The following CFAP77 variants were observed in gnomAD, a reference collection of about 807,000 sequenced individuals.
CFAP77 encodes the protein cilia and flagella associated protein 77, also known as cilia- and flagella-associated protein 77.
A neutral mutation model predicts 31.1 loss-of-function variants in CFAP77; 25 were observed. The ratio of observed to expected loss-of-function variants is 0.80; its 90% CI spans 0.59 to 1.12. The LOEUF (loss-of-function observed/expected upper bound fraction) is 1.12, where lower values mean the gene tolerates loss of function less well. CFAP77 is among the 50% of genes most tolerant of loss of function. CFAP77 has a pLI of 0.00. For missense variants in CFAP77, 377 were observed against 397.3 expected, an observed-to-expected ratio of 0.95 and a Z score of 0.44; for synonymous variants, 151 against 159.9, an observed-to-expected ratio of 0.94 and a Z score of 0.42.
In CFAP77 at chr9:132,498,431, A is replaced by G. The variant is rs1851780839; in HGVS notation, c.196-264A>G. Among the ~76,000 whole-genome samples the G allele has an allele frequency of 6.6e-6, 1 of 151,878 alleles. No individual in the cohort carries two copies. Among genetic ancestry groups the G allele is most frequent in the Non-Finnish European group, 1.5e-5 (1 of 67,954 alleles). On this transcript the variant is annotated intron_variant, in intron 1 of 5. Coordinates refer to ENST00000393216, the MANE Select transcript of CFAP77 (RefSeq NM_001282957.2). This position sits in a 1 kb window ranked among gnomAD's most constrained non-coding sequence, Gnocchi z 4.2. ...TGTGCTCCCCACTCCAACAATACAC[A>G]TGTACCGAGAGGCCCCCCGTCTCTG...
chr9:132,508,998 G>A (rs1040393422), intron 3 of CFAP77, among the ~76,000 whole-genome samples: 6 of 152,170 alleles, frequency 3.9e-5, no homozygotes, highest in African/African-American at 1.2e-4. Flanking sequence ...CCTGAGCTCC[G>A]TTCACGTTGG....
Position 132,501,674 on chromosome 9 carries a change from A to T in CFAP77, c.524+2074A>T, listed in dbSNP as rs922460430. 2.6e-5 allele frequency among the ~76,000 whole-genome samples: 4 copies of T among 152,198 alleles called. No individual in the cohort carries two copies. Among genetic ancestry groups the T allele is most frequent in the Non-Finnish European group, 4.4e-5 (3 of 68,030 alleles). On this transcript the variant is annotated intron_variant, in intron 3 of 5. Coordinates refer to ENST00000393216, the MANE Select transcript of CFAP77 (RefSeq NM_001282957.2). This position sits in a 1 kb window ranked among gnomAD's most constrained non-coding sequence, Gnocchi z 4.6. ...CGCCTTGGCCTCCCAAAGTGCTAGG[A>T]TGACAGGTGTGAGCCACTGCGCCCG...
intron 5 of CFAP77, among the ~76,000 whole-genome samples, chr9:132,569,728 C>CA (rs775964542): frequency 4.1e-5 from 4 of 98,476 alleles, no homozygotes; most frequent in Non-Finnish European, 7.6e-5. Context: ...TCTAGCTGCC[C>CA]TTTTTTTTTT....
At chr9:132,423,237 G>C (rs1259972135) in intron 1 of CFAP77, among the ~76,000 whole-genome samples, 11 of 152,218 alleles carry the variant, frequency 7.2e-5, no homozygotes, top group Non-Finnish European at 1.5e-5. Flanking sequence ...TCTTTTCTTA[G>C]GCAGCCGCTT....
At chr9:132,504,234 G>A (rs1156518792) in intron 3 of CFAP77, among the ~76,000 whole-genome samples, 1 of 152,198 alleles carries the variant, frequency 6.6e-6, no homozygotes, top group Admixed American at 6.5e-5. Context: ...TCCTCACTCT[G>A]TGTCCTACTT....
chr9:132,568,663 A>G (rs1829918533), intron 5 of CFAP77, among the ~76,000 whole-genome samples: 2 of 152,180 alleles, frequency 1.3e-5, no homozygotes, highest in East Asian at 3.8e-4. Context: ...AATCTCCAAT[A>G]AACAAAACAG....
chr9:132,568,510 C>T (rs1038069702), intron 5 of CFAP77, among the ~76,000 whole-genome samples: 21 of 142,960 alleles, frequency 1.5e-4, no homozygotes, highest in Non-Finnish European at 2.7e-4. Context: ...GAGCCGAGAT[C>T]ACACCATTGC....
chr9:132,569,767 G>A (rs11243830), intron 5 of CFAP77, among the ~76,000 whole-genome samples: 32 of 127,402 alleles, frequency 2.5e-4, no homozygotes, highest in African/African-American at 8.3e-4. Flanking sequence ...ACGGAATCTC[G>A]CTCTGTTGTC....
intron 1 of CFAP77, 91 bp downstream of exon 1, chr9:132,410,557 C>A: frequency 8.7e-7 from 1 of 1,155,456 alleles, no homozygotes; most frequent in Non-Finnish European, 1.2e-6. Context: ...CCTGGCCCCG[C>A]GGCCCGGGGT....
At chr9:132,537,460 G>T in intron 3 of CFAP77, 141 bp from the exon 4 acceptor site, 1 of 620,952 alleles carries the variant, frequency 1.6e-6, no homozygotes, top group East Asian at 2.7e-5. Flanking sequence ...TTTGAGCGCT[G>T]GGAGAGAGGC....
intron 1 of CFAP77, among the ~76,000 whole-genome samples, chr9:132,452,669 AC>A (rs1384941869): frequency 1.3e-5 from 2 of 152,074 alleles, no homozygotes; most frequent in Non-Finnish European, 2.9e-5. Flanking sequence ...CAGGACTAGG[AC>A]CTCGGTGGAA....
chr9:132,466,814 A>G (rs1324117343), intron 1 of CFAP77, among the ~76,000 whole-genome samples: 1 of 152,210 alleles, frequency 6.6e-6, no homozygotes, highest in East Asian at 1.9e-4. Context: ...TCTTTGATTC[A>G]GATCAATCAA....
chr9:132,530,276 CTTT>C (rs770618011), intron 3 of CFAP77, among the ~76,000 whole-genome samples: 1 of 138,600 alleles, frequency 7.2e-6, no homozygotes, highest in Non-Finnish European at 1.6e-5. Context: ...TGCCAATTTT[CTTT>C]TTTTTTTTTT....
intron 1 of CFAP77, among the ~76,000 whole-genome samples, chr9:132,487,125 T>G (rs1851575638): frequency 1.3e-5 from 2 of 152,214 alleles, no homozygotes; most frequent in African/African-American, 4.8e-5. Flanking sequence ...GTCTTAACAA[T>G]AAGACAGCAG....
chr9:132,431,515 C>T (rs150374576), intron 1 of CFAP77, among the ~76,000 whole-genome samples: 38 of 152,140 alleles, frequency 2.5e-4, no homozygotes, highest in African/African-American at 9.2e-4. Context: ...AATATGTTCT[C>T]GATGAATGAA....
chr9:132,552,264 G>A lies in CFAP77; in HGVS notation c.732+9217G>A, dbSNP rs1211506626. On this transcript the variant is annotated intron_variant, in intron 5 of 5. Coordinates refer to ENST00000393216, the MANE Select transcript of CFAP77 (RefSeq NM_001282957.2). The surrounding 1 kb of genome is among the most constrained non-coding windows in gnomAD (Gnocchi z 5.5). ...AAGTGCAATCATGCGTGTGAAGCGCGTGGCACAGGCCTGGCTAGGGGACGG... is the reference window on the plus strand; with the variant it reads ...AAGTGCAATCATGCGTGTGAAGCGCATGGCACAGGCCTGGCTAGGGGACGG... Among the ~76,000 whole-genome samples, 5 of 152,244 alleles carry A rather than the reference G, an allele frequency of 3.3e-5. No individual in the cohort carries two copies. Among genetic ancestry groups the A allele is most frequent in the African/African-American group, 1.2e-4 (5 of 41,466 alleles).
chr9:132,528,738 C>CA (rs1484184157), intron 3 of CFAP77, among the ~76,000 whole-genome samples: 1 of 75,924 alleles, frequency 1.3e-5, no homozygotes, highest in East Asian at 3.6e-4. Flanking sequence ...TTTATGCAGC[C>CA]AAAAAACACA....
At chr9:132,436,800 G>T (rs1026181946) in intron 1 of CFAP77, among the ~76,000 whole-genome samples, 1 of 152,150 alleles carries the variant, frequency 6.6e-6, no homozygotes, top group Non-Finnish European at 1.5e-5. Flanking sequence ...GTTGATGAGT[G>T]GGGTAGTGAG....
At position 132,539,477 on chromosome 9, in the gene CFAP77, A is replaced by G. The variant is rs1852602961; in HGVS notation, c.630+1771A>G. On this transcript the variant is annotated intron_variant, in intron 4 of 5. Transcript: ENST00000393216. This position sits in a 1 kb window ranked among gnomAD's most constrained non-coding sequence, Gnocchi z 4.3. ...TGAAGTGATTTGCCAACAGTGTCAG[A>G]CCTAGGTGTGTCCAGCCTGAGAGTC... Among the ~76,000 whole-genome samples, 3 of 152,152 alleles carry G rather than the reference A, an allele frequency of 2.0e-5. No homozygotes were observed. The highest frequency in any genetic ancestry group is 6.5e-5 in the Admixed American group (1 of 15,274).
Sources: allele counts gnomAD v4.1 joint callset (sites outside exome capture counted in the v4.1 genomes callset), GRCh38; gene constraint gnomAD v4.1.1; non-coding constraint Gnocchi (gnomAD v3.1); transcripts MANE v1.5; gene names NCBI Gene and HGNC (gene_info 2026-07-23, HGNC 2026-07-21).